The following SRGN variants were observed in gnomAD, a reference collection of about 807,000 sequenced individuals.
SRGN encodes the protein hematopoetic proteoglycan core peptide.
SRGN carries 2 observed loss-of-function variants against 9.5 expected under a neutral mutation model. That is an observed-to-expected ratio of 0.21 (90% CI 0.09 to 0.66). The LOEUF (loss-of-function observed/expected upper bound fraction) is 0.66. Ranked by LOEUF, SRGN falls within the 30% of genes least tolerant of loss-of-function variation. The pLI, the probability that SRGN is intolerant of heterozygous loss-of-function variation, is 0.83. For missense variants in SRGN, 170 were observed against 192.4 expected (o/e 0.88, Z 0.69); for synonymous variants, 59 against 72.3 (o/e 0.82, Z 0.93).
intron 1 of SRGN, among the ~76,000 whole-genome samples, chr10:69,095,911 CAATAA>C (rs57868663): frequency 3.3e-5 from 5 of 149,390 alleles, no homozygotes; most frequent in Middle Eastern, 3.2e-3. Flanking sequence ...GACTCTCTCT[CAATAA>C]AATAAAATAA....
upstream of SRGN, chr10:69,088,029 A>C (rs1839972332): frequency 1.4e-6 from 1 of 700,972 alleles, no homozygotes; most frequent in Admixed American, 2.5e-5. Flanking sequence ...TTTGTTCAGG[A>C]AATTGTGACG....
chr10:69,092,729 G>A (rs746509619), intron 1 of SRGN, among the ~76,000 whole-genome samples: 93 of 151,328 alleles, frequency 6.1e-4, no homozygotes, highest in Non-Finnish European at 1.2e-3. Flanking sequence ...GGGAGGTGGA[G>A]GTTGCAGTGA....
intron 2 of SRGN, among the ~76,000 whole-genome samples, chr10:69,098,998 CCAAGACTTGTAAAACAAA>C (rs2132159234): frequency 6.6e-6 from 1 of 151,926 alleles, no homozygotes; most frequent in Non-Finnish European, 1.5e-5. Context: ...GAATAATTAG[CCAAGACTTGTAAAACAAA>C]AATCAAATCT....
chr10:69,093,869 A>G (rs1317780689), intron 1 of SRGN, among the ~76,000 whole-genome samples: 1 of 152,160 alleles, frequency 6.6e-6, no homozygotes. Flanking sequence ...CTATCTCAAA[A>G]TAAGGAAAAA....
chr10:69,096,974 G>A (rs946603800), intron 1 of SRGN, 110 bp from the exon 2 acceptor site: 3 of 1,174,836 alleles, frequency 2.6e-6, no homozygotes, highest in South Asian at 3.4e-5. Flanking sequence ...AGCTTGGGCA[G>A]CCGACTGAGA....
At chr10:69,097,303 C>T in intron 2 of SRGN, 72 bp downstream of exon 2, 2 of 1,370,912 alleles carry the variant, frequency 1.5e-6, no homozygotes. Flanking sequence ...TTTTCTTGCC[C>T]AGGCTGGAGT....
intron 1 of SRGN, 127 bp downstream of exon 1, chr10:69,088,363 T>G (rs1839981707): frequency 1.2e-6 from 1 of 810,292 alleles, no homozygotes; most frequent in Non-Finnish European, 2.0e-6. Context: ...GAAGAAGGAT[T>G]TGGGGTCGCT....
intron 1 of SRGN, among the ~76,000 whole-genome samples, chr10:69,090,690 C>A (rs1840033545): frequency 6.6e-6 from 1 of 152,144 alleles, no homozygotes; most frequent in African/African-American, 2.4e-5. Flanking sequence ...TTGTGAGATT[C>A]TGTGGGTTAG....
rs536660405 is a variant in SRGN at position 69,097,267 on chromosome 10, C to CTTAT, written c.227+43_227+46dup. ...TTTTCTCTAATTAATTAATTAATTACTTATTTATTTGAGACGGAGTTTCAC... is the reference window on the plus strand; with the variant it reads ...TTTTCTCTAATTAATTAATTAATTACTTATTTATTTATTTGAGACGGAGTTTCAC... On this transcript the variant is annotated intron_variant, in intron 2 of 2. Transcript: ENST00000242465. 1,201 of 1,519,176 alleles carry CTTAT rather than the reference C, an allele frequency of 7.9e-4. 14 individuals are homozygous for CTTAT. The African/African-American group carries it at 0.015, about 19-fold the overall frequency. 94.1% of individuals were successfully genotyped at this position (1,519,176 alleles called of 1,614,324 possible).
chr10:69,103,741 C>T, intron 2 of SRGN, 130 bp from the exon 3 acceptor site: 2 of 1,014,888 alleles, frequency 2.0e-6, no homozygotes, highest in Non-Finnish European at 2.8e-6. Flanking sequence ...AATTGGGAAG[C>T]TTTTAAATCT....
At chr10:69,088,842 A>G (rs918167308) in intron 1 of SRGN, among the ~76,000 whole-genome samples, 8 of 152,198 alleles carry the variant, frequency 5.3e-5, no homozygotes, top group African/African-American at 1.9e-4. Flanking sequence ...GCTCTTGCTC[A>G]GAGAAGCATC....
chr10:69,102,793 T>C (rs1840318891), intron 2 of SRGN, among the ~76,000 whole-genome samples: 1 of 152,218 alleles, frequency 6.6e-6, no homozygotes, highest in African/African-American at 2.4e-5. Flanking sequence ...TATATGCTGG[T>C]AAATATAAAG....
chr10:69,093,574 C>G (rs560990778), intron 1 of SRGN, among the ~76,000 whole-genome samples: 41 of 152,108 alleles, frequency 2.7e-4, no homozygotes, highest in Non-Finnish European at 5.7e-4. Flanking sequence ...AGGAAAGAAT[C>G]AAAAGAGAAA....
At chr10:69,091,093 T>A (rs1840042669) in intron 1 of SRGN, among the ~76,000 whole-genome samples, 1 of 152,190 alleles carries the variant, frequency 6.6e-6, no homozygotes, top group Admixed American at 6.5e-5. Flanking sequence ...ATCATCACAT[T>A]CCCTGTGATG....
chr10:69,094,663 T>C (rs1399445036), intron 1 of SRGN, among the ~76,000 whole-genome samples: 1 of 152,166 alleles, frequency 6.6e-6, no homozygotes, highest in African/African-American at 2.4e-5. Context: ...CGTGCAATCT[T>C]GGCTCACTGT....
At chr10:69,101,323 GC>G (rs953651968) in intron 2 of SRGN, among the ~76,000 whole-genome samples, 1 of 152,120 alleles carries the variant, frequency 6.6e-6, no homozygotes, top group Non-Finnish European at 1.5e-5. Context: ...CCCCCATTTA[GC>G]TTCACTTCTC....
At chr10:69,088,317 G>A (rs1222445676) in intron 1 of SRGN, 81 bp downstream of exon 1, 2 of 1,213,972 alleles carry the variant, frequency 1.6e-6, no homozygotes, top group Middle Eastern at 1.9e-4. Context: ...TCATTTTAAG[G>A]CATAGAATGT....
At chr10:69,091,644 C>T (rs1471879245) in intron 1 of SRGN, among the ~76,000 whole-genome samples, 3 of 150,866 alleles carry the variant, frequency 2.0e-5, no homozygotes, top group East Asian at 1.9e-4. Flanking sequence ...TTTGGGAGAC[C>T]GAGGAGTGTG....
At chr10:69,092,241 A>G (rs1442154919) in intron 1 of SRGN, among the ~76,000 whole-genome samples, 1 of 152,196 alleles carries the variant, frequency 6.6e-6, no homozygotes, top group Non-Finnish European at 1.5e-5. Context: ...CAAGCAAGAT[A>G]GAGTCAAGAT....
Sources: gnomAD v4.1 joint callset for allele counts (sites outside exome capture counted in the v4.1 genomes callset) on GRCh38, gnomAD v4.1.1 for gene constraint, MANE v1.5 for transcripts, NCBI Gene and HGNC (gene_info 2026-07-23, HGNC 2026-07-21) for gene names.